The following AKAP6 variants were observed in gnomAD, a reference collection of about 807,000 sequenced individuals.
AKAP6 encodes A-kinase anchoring protein 6, also known as A-kinase anchor protein 6.
In AKAP6, 58 loss-of-function variants were observed where a neutral mutation model predicts 188.5. That is an observed-to-expected ratio of 0.31 (90% CI 0.25 to 0.38). The LOEUF (loss-of-function observed/expected upper bound fraction) is 0.38, where lower values mean the gene tolerates loss of function less well. Ranked by LOEUF, AKAP6 falls within the 10% of genes least tolerant of loss-of-function variation. The pLI is 1.00. For missense variants in AKAP6, 2,710 were observed against 2,740.0 expected (o/e 0.99, Z 0.24); for synonymous variants, 989 against 998.6 (o/e 0.99, Z 0.18).
intron 2 of AKAP6, among the ~76,000 whole-genome samples, chr14:32,486,137 G>GTTAT (rs774611864): frequency 1.4e-4 from 22 of 152,040 alleles, no homozygotes; most frequent in Non-Finnish European, 3.2e-4. Flanking sequence ...TAGATGTGGT[G>GTTAT]TTATTTCTGA....
At chr14:32,477,628 C>T (rs988717916) in intron 2 of AKAP6, among the ~76,000 whole-genome samples, 3 of 152,168 alleles carry the variant, frequency 2.0e-5, no homozygotes, top group South Asian at 2.1e-4. Context: ...GTTGTATCAC[C>T]GACTTGCAAA....
chr14:32,523,791 T>TG (rs1881983135), intron 2 of AKAP6, among the ~76,000 whole-genome samples: 1 of 107,124 alleles, frequency 9.3e-6, no homozygotes, highest in Non-Finnish European at 1.9e-5. Context: ...TCCTCCTGAT[T>TG]AAAAAAAAAA....
At chr14:32,800,061 C>CTCTCTCTCTCTATA (rs377693074) in intron 12 of AKAP6, among the ~76,000 whole-genome samples, 1 of 136,944 alleles carries the variant, frequency 7.3e-6, no homozygotes, top group Admixed American at 7.5e-5. Flanking sequence ...CTCTCTCTCT[C>CTCTCTCTCTCTATA]TATATATATA....
chr14:32,810,011 G>C (rs1056780709), intron 12 of AKAP6, among the ~76,000 whole-genome samples: 1 of 152,174 alleles, frequency 6.6e-6, no homozygotes, highest in Non-Finnish European at 1.5e-5. Context: ...AGCAAGCAAA[G>C]CAGAGATATT....
intron 1 of AKAP6, among the ~76,000 whole-genome samples, chr14:32,396,213 C>A (rs1252698755): frequency 6.6e-6 from 1 of 152,130 alleles, no homozygotes; most frequent in Non-Finnish European, 1.5e-5. Context: ...TGATAAATTT[C>A]ACTCCAGACT....
intron 2 of AKAP6, among the ~76,000 whole-genome samples, chr14:32,491,102 C>T (rs1241271582): frequency 6.6e-6 from 1 of 152,118 alleles, no homozygotes; most frequent in South Asian, 2.1e-4. Flanking sequence ...TAATTCTGAT[C>T]ATCTCAAAAG....
intron 8 of AKAP6, chr14:32,693,279 C>G (rs1382202724): frequency 6.6e-6 from 1 of 152,152 alleles, no homozygotes; most frequent in Non-Finnish European, 1.5e-5. Context: ...CAACTCAGCC[C>G]TCACTGACCC....
At chr14:32,380,647 A>G (rs1468790435) in intron 1 of AKAP6, among the ~76,000 whole-genome samples, 3 of 152,340 alleles carry the variant, frequency 2.0e-5, no homozygotes, top group Admixed American at 1.3e-4. Context: ...TCTGCCTCTC[A>G]TAAGGGAAAG....
In AKAP6 at chr14:32,671,136, T is replaced by C. The variant is rs1016199452; in HGVS notation, c.2731-7175T>C. 5.1e-4 allele frequency among the ~76,000 whole-genome samples: 77 copies of C among 151,970 alleles called. 2 individuals carry two copies. The highest frequency in any genetic ancestry group is 1.6e-4 in the Non-Finnish European group (11 of 67,972). Reference sequence around the variant, plus strand: ...GGGATTTCTAGGGGTGGGGGTGAGTTGTAGTTTTAAGTAGCAGGTCAGGGA... The same window carrying C: ...GGGATTTCTAGGGGTGGGGGTGAGTCGTAGTTTTAAGTAGCAGGTCAGGGA... On this transcript the variant is annotated intron_variant, in intron 7 of 13. Coordinates refer to ENST00000280979, the MANE Select transcript of AKAP6 (RefSeq NM_004274.5).
chr14:32,493,800 G>T (rs139153441), intron 2 of AKAP6, among the ~76,000 whole-genome samples: 43 of 152,260 alleles, frequency 2.8e-4, no homozygotes, highest in African/African-American at 1.0e-3. Context: ...GCCCAGTGCT[G>T]TTCTAAACCA....
chr14:32,562,541 T>G (rs1180224568), intron 4 of AKAP6, among the ~76,000 whole-genome samples: 1 of 152,152 alleles, frequency 6.6e-6, no homozygotes, highest in Admixed American at 6.5e-5. Context: ...GTGGATCACT[T>G]GAGGTCAGGA....
intron 12 of AKAP6, among the ~76,000 whole-genome samples, chr14:32,800,136 A>G (rs959031909): frequency 2.4e-5 from 3 of 123,016 alleles, no homozygotes; most frequent in African/African-American, 5.9e-5. Context: ...ACACACATAT[A>G]TATACACACA....
At chr14:32,571,472 G>C (rs139144699) in intron 4 of AKAP6, among the ~76,000 whole-genome samples, 1 of 152,284 alleles carries the variant, frequency 6.6e-6, no homozygotes, top group East Asian at 1.9e-4. Flanking sequence ...GGAGGCTGCA[G>C]TGATCTATGA....
Position 32,834,438 on chromosome 14 carries a change from G to C in AKAP6, c.*4633G>C, listed in dbSNP as rs1360469421. ...ATAATACCTGATAGTTTATATTCAA[G>C]TTTCTCTAACTACCCAAATTATGTC... On this transcript the variant is annotated 3_prime_UTR_variant, in exon 14 of 14. Coordinates refer to ENST00000280979, the MANE Select transcript of AKAP6 (RefSeq NM_004274.5). The C allele has an allele frequency of 1.3e-5, 2 of 149,934 alleles. No homozygotes were observed. Among genetic ancestry groups the C allele is most frequent in the Admixed American group, 1.3e-4 (2 of 14,964 alleles). The allele number at this position is 149,934 out of a possible 1,614,324, so 9.3% of individuals were successfully genotyped here.
intron 9 of AKAP6, among the ~76,000 whole-genome samples, chr14:32,718,944 C>T (rs886087245): frequency 6.6e-6 from 1 of 152,090 alleles, no homozygotes; most frequent in African/African-American, 2.4e-5. Flanking sequence ...GGTCTCTGAC[C>T]TCCTACAGTC....
At chr14:32,623,908 G>A (rs1886911340) in intron 7 of AKAP6, among the ~76,000 whole-genome samples, 1 of 152,116 alleles carries the variant, frequency 6.6e-6, no homozygotes, top group South Asian at 2.1e-4. Flanking sequence ...GCTCATGGAA[G>A]CATGGAAACC....
intron 5 of AKAP6, among the ~76,000 whole-genome samples, chr14:32,599,116 A>G (rs1309169223): frequency 6.6e-6 from 1 of 152,208 alleles, no homozygotes; most frequent in Non-Finnish European, 1.5e-5. Context: ...GAAATTCAGT[A>G]TATTTTATAG....
intron 12 of AKAP6, among the ~76,000 whole-genome samples, chr14:32,774,216 A>G (rs2032986274): frequency 6.6e-6 from 1 of 152,230 alleles, no homozygotes. Flanking sequence ...TAATTCTTTC[A>G]ATCATTCCTT....
Position 32,708,173 on chromosome 14 carries a change from T to TACC in AKAP6, c.3000+12064_3000+12065insCCA, listed in dbSNP as rs558143294. Among the ~76,000 whole-genome samples the TACC allele has an allele frequency of 9.3e-4, 141 of 152,184 alleles. 3 individuals carry two copies. In the East Asian group the frequency reaches 0.019, roughly 20 times the overall value. ...AATAGATGTAGGTGAATATCAACAG[T>TACC]AATTAGAAATGGTAGGTATAGAAGC... is the stretch of plus-strand genomic sequence containing the variant. On this transcript the variant is annotated intron_variant, in intron 9 of 13. Transcript: ENST00000280979.
Sources: allele counts gnomAD v4.1 joint callset (sites outside exome capture counted in the v4.1 genomes callset), GRCh38; gene constraint gnomAD v4.1.1; transcripts MANE v1.5; gene names NCBI Gene and HGNC (gene_info 2026-07-23, HGNC 2026-07-21).